PRRC2B: variants seen among roughly 807,000 people sequenced by gnomAD.
PRRC2B encodes the protein protein PRRC2B.
Under a neutral mutation model 242.3 loss-of-function variants are expected in PRRC2B, and 68 were observed. The ratio of observed to expected loss-of-function variants is 0.28; its 90% CI spans 0.23 to 0.34. The LOEUF is 0.34. Among genes scored for constraint, PRRC2B ranks in the 10% least tolerant of loss-of-function variants. The pLI is 1.00. For missense variants in PRRC2B, 2,835 were observed against 2,954.8 expected, an observed-to-expected ratio of 0.96 and a Z score of 0.94; for synonymous variants, 1,228 against 1,173.6, an observed-to-expected ratio of 1.05 and a Z score of -0.95.
rs145982653 is a variant in PRRC2B, at chr9:131,450,971, G to A, written c.1120+3167G>A. Among the ~76,000 whole-genome samples, 406 of 152,264 alleles carry A rather than the reference G, an allele frequency of 2.7e-3. 1 individual carries two copies. The highest frequency in any genetic ancestry group is 4.4e-3 in the Non-Finnish European group (300 of 68,014). On this transcript the variant is annotated intron_variant, in intron 9 of 31. Transcript: ENST00000683519. ...TTCTCTCAGCAGTGTCTTACTTACA[G>A]TTTTCATGTAGAGGTCCTGAATGTC... is the stretch of plus-strand genomic sequence containing the variant.
intron 11 of PRRC2B, among the ~76,000 whole-genome samples, chr9:131,459,970 CAAAAAAAAAAAAA>C (rs34696844): frequency 4.6e-5 from 4 of 87,098 alleles, no homozygotes; most frequent in Admixed American, 3.9e-4. Flanking sequence ...ACCCTATCTC[CAAAAAAAAAAAAA>C]AAAAAAAAAG....
intron 1 of PRRC2B, among the ~76,000 whole-genome samples, chr9:131,416,363 C>T (rs1564277558): frequency 6.6e-6 from 1 of 152,168 alleles, no homozygotes; most frequent in Non-Finnish European, 1.5e-5. Flanking sequence ...GCCTCGGCCT[C>T]CCAAAGTGTT....
intron 1 of PRRC2B, among the ~76,000 whole-genome samples, chr9:131,411,725 A>G (rs906449995): frequency 1.3e-5 from 2 of 152,142 alleles, no homozygotes; most frequent in African/African-American, 4.8e-5. Context: ...AGAGAGTGTT[A>G]GGTTTTCCAG....
chr9:131,434,424 G>A (rs552218638), intron 3 of PRRC2B, among the ~76,000 whole-genome samples: 8 of 152,262 alleles, frequency 5.3e-5, no homozygotes, highest in Admixed American at 1.3e-4. Flanking sequence ...AGGATGGAGT[G>A]TTGGTGAGGG....
intron 18 of PRRC2B, 124 bp from the exon 19 acceptor site, chr9:131,479,128 G>T: frequency 1.0e-6 from 1 of 975,706 alleles, no homozygotes; most frequent in Non-Finnish European, 1.5e-6. Context: ...GGAGACGAGC[G>T]TTCCACACAT....
intron 13 of PRRC2B, among the ~76,000 whole-genome samples, chr9:131,470,288 C>G (rs954297707): frequency 2.0e-5 from 3 of 152,118 alleles, no homozygotes; most frequent in African/African-American, 4.8e-5. Flanking sequence ...CCACTGAAGG[C>G]TCTTTTGAGC....
chr9:131,461,538 CTATT>C (rs1469153689), intron 11 of PRRC2B, among the ~76,000 whole-genome samples: 1 of 152,082 alleles, frequency 6.6e-6, no homozygotes, highest in African/African-American at 2.4e-5. Flanking sequence ...GTGCTCTTTG[CTATT>C]TATTTATTAT....
chr9:131,485,017 G>C lies in PRRC2B; in HGVS notation c.5635G>C (p.Gly1879Arg), dbSNP rs746454711. The C allele has an allele frequency of 6.2e-7, 1 of 1,613,140 alleles. No homozygotes were observed. Among genetic ancestry groups the C allele is most frequent in the Non-Finnish European group, 8.5e-7 (1 of 1,179,552 alleles). The part of the protein sequence containing the change: ...LPEQSSPGGA[G>R]SGIQPPSSVG... ...GGAGCAGAGCTCTCCAGGCGGCGCT[G>C]GCTCAGGCATCCAGCCTCCATCCTC... The change falls in exon 25 of 32, where the codon GGC becomes CGC. Residue 1879 changes from glycine (G) to arginine (R), a missense_variant. By Grantham distance (125) the Gly-to-Arg change is moderately radical. Around this residue, in one of 7 missense-constraint regions of PRRC2B, gnomAD observed 574 missense variants for 626.0 expected, o/e 0.92. Coordinates refer to ENST00000683519, the MANE Select transcript of PRRC2B (RefSeq NM_013318.4).
chr9:131,379,400 T>C (rs1279871180), intron 1 of PRRC2B, among the ~76,000 whole-genome samples: 2 of 152,202 alleles, frequency 1.3e-5, no homozygotes, highest in Non-Finnish European at 2.9e-5. Context: ...TATTTTACAT[T>C]TCCACCAACA....
intron 1 of PRRC2B, among the ~76,000 whole-genome samples, chr9:131,412,720 A>G (rs1302110736): frequency 6.6e-6 from 1 of 152,156 alleles, no homozygotes; most frequent in African/African-American, 2.4e-5. Context: ...TGTTTATTTC[A>G]GAAATTGACA....
chr9:131,400,022 C>G (rs547750184), intron 1 of PRRC2B, among the ~76,000 whole-genome samples: 2 of 152,222 alleles, frequency 1.3e-5, no homozygotes, highest in South Asian at 2.1e-4. Context: ...TGGACAGGAT[C>G]GGTTGTCTCC....
At chr9:131,394,829 G>A (rs969394014) in intron 1 of PRRC2B, among the ~76,000 whole-genome samples, 2 of 152,060 alleles carry the variant, frequency 1.3e-5, no homozygotes, top group Non-Finnish European at 2.9e-5. Context: ...GGCTGGGGGA[G>A]GGAGGCGAGC....
At position 131,415,095 on chromosome 9, in the gene PRRC2B, C is replaced by T. The variant is rs191862140; in HGVS notation, c.-51-14999C>T. On this transcript the variant is annotated intron_variant, in intron 1 of 31. Transcript: ENST00000683519. Reference sequence around the variant, plus strand: ...GTAACCTCTGCCTCACAGGTTTAAGCGATTCTCCTGTTTTCAGCCTCCTGA... The same window carrying T: ...GTAACCTCTGCCTCACAGGTTTAAGTGATTCTCCTGTTTTCAGCCTCCTGA... Among the ~76,000 whole-genome samples, 16 of 151,946 alleles carry T rather than the reference C, an allele frequency of 1.1e-4. No individual in the cohort carries two copies. The East Asian group carries it at 1.2e-3, about 11-fold the overall frequency.
chr9:131,497,388 C>G lies in PRRC2B; in HGVS notation c.*1514C>G, dbSNP rs182707935. 6.6e-6 allele frequency: 1 copy of G among 152,230 alleles called. No homozygotes were observed. 9.4% of individuals were successfully genotyped at this position (152,230 alleles called of 1,614,324 possible). A position where few individuals can be genotyped will look rare whatever the true frequency, so the allele number is the denominator to read the frequency against. On this transcript the variant is annotated 3_prime_UTR_variant, in exon 32 of 32. Coordinates refer to ENST00000683519, the MANE Select transcript of PRRC2B (RefSeq NM_013318.4). ...TCCAAGGAAAGGGAAGGGGACAGTT[C>G]AGGTTTCTCAGCTGTTCTTAGGGGT...
At position 131,473,741 on chromosome 9, in the gene PRRC2B, T is replaced by A; in HGVS notation, c.2324+17T>A. 3.7e-6 allele frequency: 6 copies of A among 1,601,160 alleles called. No individual in the cohort carries two copies. Among genetic ancestry groups the A allele is most frequent in the Non-Finnish European group, 5.1e-6 (6 of 1,170,990 alleles). ...GCGTGTCAGGTGAGATGAAGCCTGGTCCTGCTGCCTTGCCACTGAAGGAGG... is the reference window on the plus strand; with the variant it reads ...GCGTGTCAGGTGAGATGAAGCCTGGACCTGCTGCCTTGCCACTGAAGGAGG... On this transcript the variant is annotated intron_variant, in intron 15 of 31. Coordinates refer to ENST00000683519, the MANE Select transcript of PRRC2B (RefSeq NM_013318.4).
chr9:131,464,090 C>T (rs1198606856), intron 11 of PRRC2B, among the ~76,000 whole-genome samples: 1 of 152,016 alleles, frequency 6.6e-6, no homozygotes, highest in Non-Finnish European at 1.5e-5. Flanking sequence ...TACAGGTGCA[C>T]TCCGCCATGC....
At chr9:131,403,126 C>A (rs1837269116) in intron 1 of PRRC2B, among the ~76,000 whole-genome samples, 2 of 152,136 alleles carry the variant, frequency 1.3e-5, no homozygotes, top group African/African-American at 4.8e-5. Context: ...TAAAGAACAG[C>A]TGTGTTCCAG....
At chr9:131,473,375 T>TGTAG in intron 14 of PRRC2B, 133 bp from the exon 15 acceptor site, 9 of 647,184 alleles carry the variant, frequency 1.4e-5, no homozygotes, top group Non-Finnish European at 2.4e-5. Context: ...CCCTATGATG[T>TGTAG]GTAGGTGGGT....
At chr9:131,378,569 T>C (rs541445) in intron 1 of PRRC2B, among the ~76,000 whole-genome samples, 44,295 of 152,070 alleles carry the variant, frequency 0.29, 6,603 homozygotes, top group African/African-American at 0.31. Context: ...TCCCAAGCGC[T>C]CAGCCTCCAT....
Sources: allele counts gnomAD v4.1 joint callset (sites outside exome capture counted in the v4.1 genomes callset), GRCh38; gene constraint gnomAD v4.1.1; regional missense constraint gnomAD v4.1.1; transcripts MANE v1.5; gene names NCBI Gene and HGNC (gene_info 2026-07-23, HGNC 2026-07-21).